The following FSTL4 variants were observed in gnomAD, a reference collection of about 807,000 sequenced individuals.
FSTL4 encodes the protein follistatin like 4.
Under a neutral mutation model 78.2 loss-of-function variants are expected in FSTL4, and 28 were observed. That is an observed-to-expected ratio of 0.36 (90% CI 0.27 to 0.49). The LOEUF (loss-of-function observed/expected upper bound fraction) is 0.49. Among genes scored for constraint, FSTL4 ranks in the 20% least tolerant of loss-of-function variants. The pLI is 0.98. For synonymous variants in FSTL4, 422 were observed against 440.5 expected, an observed-to-expected ratio of 0.96 and a Z score of 0.53; for missense variants, 922 against 1,084.9, an observed-to-expected ratio of 0.85 and a Z score of 2.11.
chr5:133,776,014 C>G, the FSTL4 span, among the ~76,000 whole-genome samples: 1 of 152,150 alleles, frequency 6.6e-6, no homozygotes, highest in Admixed American at 6.5e-5. Context: ...CCCAATAAGA[C>G]CCAGTAGCTG....
At chr5:133,220,625 T>G in intron 12 of FSTL4, 123 bp downstream of exon 12, 1 of 694,146 alleles carries the variant, frequency 1.4e-6, no homozygotes, top group Non-Finnish European at 2.6e-6. Context: ...GGGAAAAAAT[T>G]TGGAACCACA....
intron 4 of FSTL4, among the ~76,000 whole-genome samples, chr5:133,346,950 C>T (rs369362804): frequency 6.6e-6 from 1 of 152,128 alleles, no homozygotes; most frequent in East Asian, 1.9e-4. Flanking sequence ...TTTCCTTTCT[C>T]ATAACAACCT....
chr5:133,570,872 C>G (rs569724273), intron 2 of FSTL4, among the ~76,000 whole-genome samples: 1 of 152,186 alleles, frequency 6.6e-6, no homozygotes, highest in East Asian at 1.9e-4. Context: ...AGAAGCCAAA[C>G]AGAATATAAT....
At chr5:133,468,027 G>A (rs937637229) in intron 3 of FSTL4, among the ~76,000 whole-genome samples, 2 of 152,238 alleles carry the variant, frequency 1.3e-5, no homozygotes, top group Non-Finnish European at 2.9e-5. Flanking sequence ...AATTTATGGA[G>A]CAATTTGCCT....
chr5:133,723,746 T>A, the FSTL4 span, among the ~76,000 whole-genome samples: 3 of 152,300 alleles, frequency 2.0e-5, no homozygotes, highest in East Asian at 5.8e-4. Context: ...TGAAGCCTTT[T>A]GATCCCTGGG....
intron 6 of FSTL4, among the ~76,000 whole-genome samples, chr5:133,279,858 T>C (rs182099102): frequency 1.3e-5 from 2 of 152,380 alleles, no homozygotes; most frequent in Admixed American, 1.3e-4. Context: ...CTGGATTTAC[T>C]GTGGGCTTGA....
At chr5:133,545,899 C>G (rs1304989561) in intron 3 of FSTL4, among the ~76,000 whole-genome samples, 1 of 152,208 alleles carries the variant, frequency 6.6e-6, no homozygotes. Context: ...AAAGGCCACT[C>G]TGACAAGGTC....
chr5:133,828,568 T>G, the FSTL4 span, among the ~76,000 whole-genome samples: 1 of 152,196 alleles, frequency 6.6e-6, no homozygotes, highest in Non-Finnish European at 1.5e-5. Context: ...TAACAGACTG[T>G]GCCTAATTAA....
the FSTL4 span, among the ~76,000 whole-genome samples, chr5:133,724,653 C>T: frequency 6.6e-6 from 1 of 152,084 alleles, no homozygotes; most frequent in African/African-American, 2.4e-5. Flanking sequence ...ATTGAAAATA[C>T]ATTCTCTCAA....
At chr5:133,638,829 C>T in the FSTL4 span, among the ~76,000 whole-genome samples, 1 of 150,486 alleles carries the variant, frequency 6.6e-6, no homozygotes, top group South Asian at 2.1e-4. Context: ...TTTTTTTTCA[C>T]TTAAAAGTAT....
At chr5:133,392,637 GGAA>G (rs922916487) in intron 4 of FSTL4, among the ~76,000 whole-genome samples, 7 of 152,168 alleles carry the variant, frequency 4.6e-5, no homozygotes, top group Non-Finnish European at 1.0e-4. Context: ...GGCCTGACAG[GGAA>G]GAGATGAAAG....
At chr5:133,800,669 G>A in the FSTL4 span, among the ~76,000 whole-genome samples, 1 of 137,260 alleles carries the variant, frequency 7.3e-6, no homozygotes, top group Non-Finnish European at 1.6e-5. Flanking sequence ...TTCTTGAGGG[G>A]CTTTTAATGG....
intron 3 of FSTL4, among the ~76,000 whole-genome samples, chr5:133,450,674 T>C (rs544353190): frequency 6.6e-6 from 1 of 152,374 alleles, no homozygotes; most frequent in Admixed American, 6.5e-5. Flanking sequence ...CGGAACGCCA[T>C]TAACTCCATT....
chr5:133,805,854 G>A, the FSTL4 span, among the ~76,000 whole-genome samples: 1 of 152,178 alleles, frequency 6.6e-6, no homozygotes, highest in Non-Finnish European at 1.5e-5. Context: ...CTCAGCTCTG[G>A]GTCACTGTTG....
the FSTL4 span, among the ~76,000 whole-genome samples, chr5:133,823,458 C>A: frequency 6.6e-6 from 1 of 152,136 alleles, no homozygotes; most frequent in Admixed American, 6.5e-5. Flanking sequence ...AGTGATGAGG[C>A]CTTAGTCTGA....
At chr5:133,362,900 T>G (rs546301975) in intron 4 of FSTL4, among the ~76,000 whole-genome samples, 1 of 152,380 alleles carries the variant, frequency 6.6e-6, no homozygotes, top group South Asian at 2.1e-4. Flanking sequence ...TCACTCATTT[T>G]AAAATTCATT....
chr5:133,536,889 T>C (rs1458109441), intron 3 of FSTL4, among the ~76,000 whole-genome samples: 1 of 152,224 alleles, frequency 6.6e-6, no homozygotes, highest in Non-Finnish European at 1.5e-5. Flanking sequence ...GATCTTAAAA[T>C]TGTTTATAAT....
chr5:133,524,721 C>T (rs536423072), intron 3 of FSTL4, among the ~76,000 whole-genome samples: 3 of 152,280 alleles, frequency 2.0e-5, no homozygotes, highest in African/African-American at 2.4e-5. Context: ...GTGATTCAAA[C>T]GTATAGCGCT....
chr5:133,311,338 C>A (rs369141258), intron 6 of FSTL4, among the ~76,000 whole-genome samples: 5 of 152,082 alleles, frequency 3.3e-5, no homozygotes, highest in African/African-American at 7.2e-5. Flanking sequence ...GACTAGTGGG[C>A]GGGGAGGAGG....
Sources: gnomAD v4.1 joint callset for allele counts (sites outside exome capture counted in the v4.1 genomes callset) on GRCh38, gnomAD v4.1.1 for gene constraint, MANE v1.5 for transcripts, NCBI Gene and HGNC (gene_info 2026-07-23, HGNC 2026-07-21) for gene names.